Variants in TMEM132D observed in about 807,000 individuals in gnomAD.
The protein encoded by TMEM132D is transmembrane protein 132D, also known as mature OL transmembrane protein.
TMEM132D carries 21 observed loss-of-function variants against 62.3 expected under a neutral mutation model. The observed-to-expected ratio is 0.34, with a 90% CI of 0.24 to 0.49. The LOEUF (loss-of-function observed/expected upper bound fraction) is 0.49, where lower values mean the gene tolerates loss of function less well. Ranked by LOEUF, TMEM132D falls within the 20% of genes least tolerant of loss-of-function variation. The probability of loss-of-function intolerance (pLI) is 0.99; values close to 1 mark genes in which losing one functional copy is unlikely to be tolerated. For synonymous variants in TMEM132D, 621 were observed against 575.6 expected (o/e 1.08, Z -1.13); for missense variants, 1,346 against 1,402.8 (o/e 0.96, Z 0.65).
intron 3 of TMEM132D, among the ~76,000 whole-genome samples, chr12:129,491,540 A>T (rs1196341813): frequency 6.6e-6 from 1 of 151,786 alleles, no homozygotes; most frequent in East Asian, 1.9e-4. Context: ...CTAACCCTTC[A>T]CTCCATGCGG....
intron 4 of TMEM132D, among the ~76,000 whole-genome samples, chr12:129,280,280 A>G (rs1275418873): frequency 1.3e-5 from 2 of 152,212 alleles, no homozygotes; most frequent in Non-Finnish European, 2.9e-5. Flanking sequence ...ACATTTCATA[A>G]AAGGAGTGAA....
At chr12:129,192,966 C>T (rs371231308) in intron 5 of TMEM132D, among the ~76,000 whole-genome samples, 1 of 151,964 alleles carries the variant, frequency 6.6e-6, no homozygotes, top group East Asian at 1.9e-4. Flanking sequence ...GTCAGGAGAT[C>T]GAGACCACAG....
intron 1 of TMEM132D, among the ~76,000 whole-genome samples, chr12:129,747,913 G>C (rs1198211802): frequency 6.6e-6 from 1 of 152,046 alleles, no homozygotes; most frequent in African/African-American, 2.4e-5. Flanking sequence ...TCATCTCCCT[G>C]CTTTGTTCTT....
At chr12:129,808,977 G>T (rs1872080618) in intron 1 of TMEM132D, among the ~76,000 whole-genome samples, 1 of 152,204 alleles carries the variant, frequency 6.6e-6, no homozygotes, top group Non-Finnish European at 1.5e-5. Flanking sequence ...TATTTTAAAA[G>T]AATAAGGAAA....
chr12:129,346,671 C>T (rs1003634513), intron 3 of TMEM132D, among the ~76,000 whole-genome samples: 17 of 152,164 alleles, frequency 1.1e-4, no homozygotes, highest in Non-Finnish European at 2.4e-4. Context: ...TCCTCTCTCA[C>T]CACTCCTATT....
At chr12:129,870,497 C>T (rs548170954) in intron 1 of TMEM132D, among the ~76,000 whole-genome samples, 5 of 152,286 alleles carry the variant, frequency 3.3e-5, no homozygotes, top group African/African-American at 1.2e-4. Flanking sequence ...TGGTGGTGAA[C>T]ATCTTAATGT....
At chr12:129,702,551 T>TCCAGCAAG (rs1881407813) in intron 1 of TMEM132D, among the ~76,000 whole-genome samples, 8 of 152,200 alleles carry the variant, frequency 5.3e-5, no homozygotes, top group Admixed American at 4.6e-4. Context: ...TCTGGCTGCA[T>TCCAGCAAG]TATCAAAGTC....
At chr12:129,660,874 A>G (rs1191098504) in intron 2 of TMEM132D, among the ~76,000 whole-genome samples, 1 of 152,192 alleles carries the variant, frequency 6.6e-6, no homozygotes, top group East Asian at 1.9e-4. Flanking sequence ...ATAGACACAC[A>G]GTGGTCAGAG....
chr12:129,077,469 G>A (rs192723173), intron 8 of TMEM132D, among the ~76,000 whole-genome samples: 302 of 152,058 alleles, frequency 2.0e-3, no homozygotes, highest in Non-Finnish European at 3.1e-3. Flanking sequence ...CCTCTAATGA[G>A]GGAGAACTTA....
intron 3 of TMEM132D, among the ~76,000 whole-genome samples, chr12:129,357,467 T>G (rs1593349805): frequency 6.0e-5 from 6 of 100,558 alleles, no homozygotes; most frequent in Admixed American, 1.3e-4. Flanking sequence ...GAGCAAGCAG[T>G]AGAAAAAGGA....
chr12:129,832,815 C>T (rs1872885267), intron 1 of TMEM132D, among the ~76,000 whole-genome samples: 1 of 152,196 alleles, frequency 6.6e-6, no homozygotes, highest in African/African-American at 2.4e-5. Flanking sequence ...TGGGGGAGTC[C>T]TTCAAAGGCA....
intron 4 of TMEM132D, among the ~76,000 whole-genome samples, chr12:129,228,206 C>T (rs761164840): frequency 2.2e-4 from 34 of 152,074 alleles, no homozygotes; most frequent in Non-Finnish European, 2.2e-4. Flanking sequence ...TTGAGTTTAG[C>T]GGGATGAGTC....
chr12:129,166,190 T>G (rs936580352), intron 5 of TMEM132D, among the ~76,000 whole-genome samples: 1 of 152,182 alleles, frequency 6.6e-6, no homozygotes, highest in Non-Finnish European at 1.5e-5. Flanking sequence ...TAAAAATAAG[T>G]AACGTGGGCT....
chr12:129,266,538 T>A (rs1210658742), intron 4 of TMEM132D, among the ~76,000 whole-genome samples: 1 of 141,280 alleles, frequency 7.1e-6, no homozygotes, highest in Non-Finnish European at 1.5e-5. Flanking sequence ...TCCCCTCTCC[T>A]CTCTATCCTT....
chr12:129,508,322 T>A (rs957510401), intron 3 of TMEM132D, among the ~76,000 whole-genome samples: 1 of 152,166 alleles, frequency 6.6e-6, no homozygotes, highest in African/African-American at 2.4e-5. Flanking sequence ...TGGGAATATT[T>A]GTGGAGAAAA....
At chr12:129,483,599 G>A (rs1213113381) in intron 3 of TMEM132D, among the ~76,000 whole-genome samples, 1 of 152,204 alleles carries the variant, frequency 6.6e-6, no homozygotes, top group African/African-American at 2.4e-5. Context: ...CAGTTAATCT[G>A]AATATTCGGT....
intron 1 of TMEM132D, among the ~76,000 whole-genome samples, chr12:129,800,672 C>T (rs1020710758): frequency 2.0e-5 from 3 of 152,072 alleles, no homozygotes; most frequent in Non-Finnish European, 2.9e-5. Flanking sequence ...ATCACTAGAA[C>T]GTGATTTGCC....
At chr12:129,532,020 C>A (rs1228925422) in intron 2 of TMEM132D, among the ~76,000 whole-genome samples, 2 of 151,976 alleles carry the variant, frequency 1.3e-5, no homozygotes, top group Non-Finnish European at 2.9e-5. Context: ...CGACCCACAG[C>A]ACTCCAGTTT....
chr12:129,405,513 G>C (rs1871755734), intron 3 of TMEM132D, among the ~76,000 whole-genome samples: 1 of 152,184 alleles, frequency 6.6e-6, no homozygotes, highest in African/African-American at 2.4e-5. Context: ...CAAGCAGGCT[G>C]TGGGTCCCCG....
Sources: gnomAD v4.1 joint callset for allele counts (sites outside exome capture counted in the v4.1 genomes callset) on GRCh38, gnomAD v4.1.1 for gene constraint, MANE v1.5 for transcripts, NCBI Gene and HGNC (gene_info 2026-07-23, HGNC 2026-07-21) for gene names.